The following NXNL2 variants were observed in gnomAD, a reference collection of about 807,000 sequenced individuals.
The protein encoded by NXNL2 is nucleoredoxin like 2.
Under a neutral mutation model 11.1 loss-of-function variants are expected in NXNL2, and 7 were observed. The observed-to-expected ratio is 0.63, with a 90% CI of 0.36 to 1.18. The LOEUF (loss-of-function observed/expected upper bound fraction) is 1.18. NXNL2 is among the 50% of genes most tolerant of loss of function. The probability of loss-of-function intolerance (pLI) is 0.02; values close to 1 mark genes in which losing one functional copy is unlikely to be tolerated. For synonymous variants in NXNL2, 109 were observed against 101.8 expected (o/e 1.07, Z -0.42); for missense variants, 233 against 217.7 (o/e 1.07, Z -0.44).
chr9:88,556,414 CAG>C lies in NXNL2; in HGVS notation c.303-14671_303-14670del, dbSNP rs536724387. On this transcript the variant is annotated intron_variant, in intron 1 of 2. Transcript: ENST00000375855. Reference sequence around the variant, plus strand: ...GGCAGAGAAGAGTTTTATTGAGTGACAGAACAGTTTTTGACATGAGAGGGGAC... The same window carrying C: ...GGCAGAGAAGAGTTTTATTGAGTGACAACAGTTTTTGACATGAGAGGGGAC... Among the ~76,000 whole-genome samples, 8 of 152,220 alleles carry C rather than the reference CAG, an allele frequency of 5.3e-5. No homozygotes were observed. The South Asian group carries it at 1.7e-3, about 32-fold the overall frequency.
rs553411501 is a variant in NXNL2, at chr9:88,544,541, C to T, written c.465C>T (p.Ser155=). Residue 155 remains serine (S), a synonymous_variant, in exon 2 of 2, where the codon TCC becomes TCT. Coordinates refer to ENST00000375854, the MANE Select transcript of NXNL2 (RefSeq NM_001161625.2). ...VEAADIFQNF[S]V is the part of the protein sequence containing the mutation. ...CGGCCGATATCTTCCAGAATTTCTC[C>T]GTTTGAAGTGGGAGGGACCTCAGAG... The T allele has an allele frequency of 5.9e-5, 90 of 1,531,896 alleles. No individual in the cohort carries two copies. The highest frequency in any genetic ancestry group is 1.4e-4 in the Admixed American group (7 of 49,820). The allele number at this position is 1,531,896 out of a possible 1,614,324, so 94.9% of individuals were successfully genotyped here.
chr9:88,541,762 T>C (rs1369913974), intron 1 of NXNL2, among the ~76,000 whole-genome samples: 1 of 152,264 alleles, frequency 6.6e-6, no homozygotes, highest in Non-Finnish European at 1.5e-5. Flanking sequence ...AAGTCATCTA[T>C]ATACTAAAGT....
Position 88,544,577 on chromosome 9 carries a change from G to A in NXNL2, c.*30G>A, listed in dbSNP as rs1829822415. Reference sequence around the variant, plus strand: ...GGAGGGACCTCAGAGGGCCAGGACAGGTGCTGCTTCTCCAGCACCGACGCT... The same window carrying A: ...GGAGGGACCTCAGAGGGCCAGGACAAGTGCTGCTTCTCCAGCACCGACGCT... On this transcript the variant is annotated 3_prime_UTR_variant, in exon 2 of 2. Transcript: ENST00000375854. 6.7e-7 allele frequency: 1 copy of A among 1,489,338 alleles called. No homozygotes were observed. The highest frequency in any genetic ancestry group is 1.4e-5 in the African/African-American group (1 of 71,198). The allele number at this position is 1,489,338 out of a possible 1,614,324, so 92.3% of individuals were successfully genotyped here.
At chr9:88,571,200 G>T (rs1490556442) in exon 2 of NXNL2, 2 of 277,708 alleles carry the variant, frequency 7.2e-6, no homozygotes, top group Non-Finnish European at 1.4e-5. Context: ...TGAGCATCTG[G>T]GACTACAGGT....
rs10217738 is a variant in NXNL2, at chr9:88,556,151, C to G, written c.303-14936C>G. ...TCTCGGCCCCCAGAGGGTCACAGCT[C>G]TTCTCTCATAGTCTGGTGAATGGGA... On this transcript the variant is annotated intron_variant, in intron 1 of 2. Coordinates refer to the NXNL2 transcript ENST00000375855. Among the ~76,000 whole-genome samples, 975 of 152,300 alleles carry G rather than the reference C, an allele frequency of 6.4e-3. 6 individuals carry two copies. Among genetic ancestry groups the G allele is most frequent in the African/African-American group, 0.022 (905 of 41,572 alleles).
Position 88,544,417 on chromosome 9 carries a change from A to G in NXNL2, c.341A>G (p.Lys114Arg), listed in dbSNP as rs1315193113. 6.4e-7 allele frequency: 1 copy of G among 1,551,918 alleles called. No homozygotes were observed. Among genetic ancestry groups the G allele is most frequent in the South Asian group, 1.2e-5 (1 of 84,058 alleles). ...RKRYNVTAIP[K>R]LVIVKQNGEV... ...AGGTACAACGTCACAGCCATCCCCA[A>G]GCTTGTGATTGTGAAACAAAATGGG... The change falls in exon 2 of 2, where the codon AAG (lysine) becomes AGG (arginine). Residue 114 changes from lysine (K) to arginine (R), a missense_variant. Transcript: ENST00000375854.
At chr9:88,540,398 A>G (rs979026233) in intron 1 of NXNL2, among the ~76,000 whole-genome samples, 1 of 151,344 alleles carries the variant, frequency 6.6e-6, no homozygotes, top group African/African-American at 2.4e-5. Context: ...TCTCTGCCAC[A>G]TCTTTCATGC....
intron 1 of NXNL2, among the ~76,000 whole-genome samples, chr9:88,544,033 T>G (rs1388641827): frequency 4.6e-5 from 7 of 152,160 alleles, no homozygotes; most frequent in Admixed American, 4.6e-4. Context: ...TAGCTGGATG[T>G]GGTGGCACAT....
chr9:88,559,593 A>T (rs1830060853), intron 1 of NXNL2, among the ~76,000 whole-genome samples: 1 of 152,206 alleles, frequency 6.6e-6, no homozygotes, highest in African/African-American at 2.4e-5. Context: ...TCAAGGGCCT[A>T]GGTGGCCAGC....
chr9:88,542,115 C>T (rs986697483), intron 1 of NXNL2, among the ~76,000 whole-genome samples: 1 of 151,208 alleles, frequency 6.6e-6, no homozygotes, highest in African/African-American at 2.4e-5. Flanking sequence ...CGCCTGTAGT[C>T]CCAGCTACTC....
downstream of NXNL2, among the ~76,000 whole-genome samples, chr9:88,549,375 C>T (rs1359912371): frequency 6.6e-6 from 1 of 152,166 alleles, no homozygotes; most frequent in Non-Finnish European, 1.5e-5. Flanking sequence ...TCTTGGTTTC[C>T]ACCCTTGTTT....
chr9:88,578,591 C>G (rs1159599767), downstream of NXNL2, among the ~76,000 whole-genome samples: 3 of 152,354 alleles, frequency 2.0e-5, no homozygotes, highest in Admixed American at 6.5e-5. Flanking sequence ...GGTTGGATTT[C>G]AGGTTGGGAA....
At chr9:88,535,991 G>T (rs1343077469) in intron 1 of NXNL2, among the ~76,000 whole-genome samples, 1 of 152,202 alleles carries the variant, frequency 6.6e-6, no homozygotes, top group Non-Finnish European at 1.5e-5. Flanking sequence ...GCATGGACGC[G>T]GGCGCGTTTC....
chr9:88,556,217 T>G (rs1264734285), intron 1 of NXNL2, among the ~76,000 whole-genome samples: 1 of 152,110 alleles, frequency 6.6e-6, no homozygotes, highest in Non-Finnish European at 1.5e-5. Flanking sequence ...GCCAGGAATA[T>G]GTTTCAGCTC....
Position 88,565,344 on chromosome 9 carries a change from A to C in NXNL2, c.303-5743A>C, listed in dbSNP as rs143610116. 4.8e-3 allele frequency among the ~76,000 whole-genome samples: 732 copies of C among 152,280 alleles called. 9 individuals are homozygous for C. Among genetic ancestry groups the C allele is most frequent in the African/African-American group, 0.017 (686 of 41,552 alleles). ...ATGGGACTGCAGATATCTTTCTGAG[A>C]TCCTGATCTCAATTCTTTTGGATAA... is the stretch of plus-strand genomic sequence containing the variant. On this transcript the variant is annotated intron_variant, in intron 1 of 2. Transcript: ENST00000375855.
intron 2 of NXNL2, among the ~76,000 whole-genome samples, chr9:88,571,687 T>A (rs1830267874): frequency 6.6e-6 from 1 of 152,116 alleles, no homozygotes; most frequent in Non-Finnish European, 1.5e-5. Flanking sequence ...AGTTCCTGTG[T>A]CAGTAGGTTT....
intron 1 of NXNL2, among the ~76,000 whole-genome samples, chr9:88,570,352 A>G (rs1830242634): frequency 6.6e-6 from 1 of 152,142 alleles, no homozygotes; most frequent in African/African-American, 2.4e-5. Flanking sequence ...TCCAGACCTC[A>G]AGCGATCCCC....
intron 1 of NXNL2, among the ~76,000 whole-genome samples, chr9:88,569,861 T>C (rs1023315534): frequency 6.6e-6 from 1 of 152,150 alleles, no homozygotes; most frequent in Non-Finnish European, 1.5e-5. Flanking sequence ...TTTGCTAATA[T>C]TTTATTTCGG....
chr9:88,562,682 G>A (rs1830100577), intron 1 of NXNL2, among the ~76,000 whole-genome samples: 1 of 151,946 alleles, frequency 6.6e-6, no homozygotes, highest in South Asian at 2.1e-4. Flanking sequence ...AACCCGGGGG[G>A]TGGAGGTTGC....
Sources: gnomAD v4.1 joint callset for allele counts (sites outside exome capture counted in the v4.1 genomes callset) on GRCh38, gnomAD v4.1.1 for gene constraint, MANE v1.5 for transcripts, NCBI Gene and HGNC (gene_info 2026-07-23, HGNC 2026-07-21) for gene names.